Variants in MKLN1 observed in about 807,000 individuals in gnomAD.
MKLN1 encodes the protein muskelin.
MKLN1 carries 18 observed loss-of-function variants against 99.0 expected under a neutral mutation model. The ratio of observed to expected loss-of-function variants is 0.18; its 90% CI spans 0.13 to 0.27. The LOEUF (loss-of-function observed/expected upper bound fraction) is 0.27, where lower values mean the gene tolerates loss of function less well. Among genes scored for constraint, MKLN1 ranks in the 10% least tolerant of loss-of-function variants. The pLI, the probability that MKLN1 is intolerant of heterozygous loss-of-function variation, is 1.00. For synonymous variants in MKLN1, 288 were observed against 293.2 expected (o/e 0.98, Z 0.18); for missense variants, 621 against 875.9 (o/e 0.71, Z 3.67).
At chr7:131,314,284 A>G (rs1798622892) in intron 3 of MKLN1, among the ~76,000 whole-genome samples, 1 of 152,218 alleles carries the variant, frequency 6.6e-6, no homozygotes, top group Non-Finnish European at 1.5e-5. Context: ...ACTCCACAGG[A>G]AGACAGAAGA....
At chr7:131,211,552 C>T (rs1355709644) in intron 3 of MKLN1, among the ~76,000 whole-genome samples, 1 of 151,852 alleles carries the variant, frequency 6.6e-6, no homozygotes, top group Non-Finnish European at 1.5e-5. Context: ...GGTTTTTGCC[C>T]CTACGCTTTT....
At chr7:131,246,693 G>T (rs567407888) in intron 3 of MKLN1, among the ~76,000 whole-genome samples, 1 of 145,544 alleles carries the variant, frequency 6.9e-6, no homozygotes, top group East Asian at 2.0e-4. Flanking sequence ...TTGCCATGTT[G>T]CCCAGGCTGG....
chr7:131,294,577 T>C (rs1798264307), intron 3 of MKLN1, among the ~76,000 whole-genome samples: 1 of 152,206 alleles, frequency 6.6e-6, no homozygotes, highest in Non-Finnish European at 1.5e-5. Flanking sequence ...ATCTGAGTGC[T>C]CATTTTGTGT....
intron 1 of MKLN1, among the ~76,000 whole-genome samples, chr7:131,338,214 TA>T (rs1584620569): frequency 6.6e-6 from 1 of 152,256 alleles, no homozygotes; most frequent in East Asian, 1.9e-4. Flanking sequence ...TAAAAGCTGA[TA>T]AATCCCTTAA....
At chr7:131,143,325 G>A (rs1262097742) in intron 2 of MKLN1, among the ~76,000 whole-genome samples, 2 of 152,114 alleles carry the variant, frequency 1.3e-5, no homozygotes, top group Non-Finnish European at 2.9e-5. Context: ...AAAATTGCTG[G>A]GCATGGTGGC....
At chr7:131,346,543 A>G (rs1352564523) in intron 1 of MKLN1, among the ~76,000 whole-genome samples, 2 of 151,842 alleles carry the variant, frequency 1.3e-5, no homozygotes, top group African/African-American at 4.8e-5. Flanking sequence ...AACCCAAAAA[A>G]CAATATTTAA....
intron 1 of MKLN1, among the ~76,000 whole-genome samples, chr7:131,328,534 GA>G (rs1246766395): frequency 1.3e-5 from 2 of 152,190 alleles, no homozygotes; most frequent in African/African-American, 4.8e-5. Context: ...AAAAGTTGTG[GA>G]ATCCATCTGA....
At chr7:131,393,059 A>C (rs1794253446) in intron 4 of MKLN1, among the ~76,000 whole-genome samples, 1 of 151,996 alleles carries the variant, frequency 6.6e-6, no homozygotes, top group South Asian at 2.1e-4. Flanking sequence ...TTTTAAAAAC[A>C]ATTTTTTTGT....
intron 3 of MKLN1, among the ~76,000 whole-genome samples, chr7:131,254,174 G>A (rs1436295819): frequency 1.3e-5 from 2 of 152,112 alleles, no homozygotes; most frequent in African/African-American, 4.8e-5. Flanking sequence ...ATCCCGAGGG[G>A]GCTGTGCACA....
intron 2 of MKLN1, among the ~76,000 whole-genome samples, chr7:131,165,737 T>C (rs1236490023): frequency 6.6e-6 from 1 of 152,132 alleles, no homozygotes; most frequent in Non-Finnish European, 1.5e-5. Context: ...ACACGAGTGA[T>C]CAGCTTTGCT....
At chr7:131,460,895 C>G (rs761145301) in intron 12 of MKLN1, among the ~76,000 whole-genome samples, 1 of 152,178 alleles carries the variant, frequency 6.6e-6, no homozygotes, top group African/African-American at 2.4e-5. Flanking sequence ...CTACCACTTA[C>G]GAAAGTAATT....
chr7:131,232,377 A>G (rs1400415693), intron 3 of MKLN1, among the ~76,000 whole-genome samples: 4 of 152,182 alleles, frequency 2.6e-5, no homozygotes, highest in African/African-American at 9.7e-5. Context: ...TTTCCTTTTG[A>G]TTAGATTCTT....
At position 131,429,206 on chromosome 7, in the gene MKLN1, T is replaced by C. The variant is rs371914873; in HGVS notation, c.960+61T>C. 4.5e-5 allele frequency: 50 copies of C among 1,122,150 alleles called. No homozygotes were observed. The East Asian group carries it at 1.1e-3, about 24-fold the overall frequency. 69.5% of individuals were successfully genotyped at this position (1,122,150 alleles called of 1,614,324 possible). Reference sequence around the variant, plus strand: ...GAAGGGGCGTAGATGTGCACTTGTTTTTCGGCATGATTATATTCTTCACTA... The same window carrying C: ...GAAGGGGCGTAGATGTGCACTTGTTCTTCGGCATGATTATATTCTTCACTA... On this transcript the variant is annotated intron_variant, in intron 9 of 17. Transcript: ENST00000352689.
At chr7:131,463,096 C>A in intron 12 of MKLN1, 121 bp from the exon 13 acceptor site, 1 of 835,346 alleles carries the variant, frequency 1.2e-6, no homozygotes, top group Non-Finnish European at 1.8e-6. Flanking sequence ...TGCACTTCAG[C>A]TTGGGCAACA....
At chr7:131,319,748 C>A (rs1321546264) in intron 3 of MKLN1, among the ~76,000 whole-genome samples, 1 of 151,888 alleles carries the variant, frequency 6.6e-6, no homozygotes, top group Non-Finnish European at 1.5e-5. Flanking sequence ...TCAGCAAAGT[C>A]TCAGGATCAA....
chr7:131,319,038 C>T (rs201426657), intron 3 of MKLN1, among the ~76,000 whole-genome samples: 1 of 152,160 alleles, frequency 6.6e-6, no homozygotes, highest in Non-Finnish European at 1.5e-5. Context: ...TGGTACCATT[C>T]CTTCTGAAAC....
intron 12 of MKLN1, among the ~76,000 whole-genome samples, chr7:131,461,121 C>A (rs900428353): frequency 1.3e-5 from 2 of 152,102 alleles, no homozygotes; most frequent in Admixed American, 1.3e-4. Flanking sequence ...CCCTCCTATA[C>A]TTTAAGTCAT....
rs538582658 is a variant in MKLN1 at position 131,288,403 on chromosome 7, C to T, written c.-179+85429C>T. ...GTGCCTCAGTATCCGCTTAAGTTCC[C>T]ACCACCCTCCCTACATCCTTGTAAA... is the stretch of plus-strand genomic sequence containing the variant. On this transcript the variant is annotated intron_variant, in intron 3 of 7. Transcript: ENST00000416992. Among the ~76,000 whole-genome samples the T allele has an allele frequency of 2.0e-4, 30 of 152,260 alleles. No individual in the cohort carries two copies. The South Asian group carries it at 4.6e-3, about 23-fold the overall frequency.
intron 14 of MKLN1, 60 bp from the exon 15 acceptor site, chr7:131,466,216 A>G (rs913494417): frequency 6.9e-6 from 9 of 1,305,162 alleles, no homozygotes; most frequent in Middle Eastern, 1.9e-4. Context: ...ATGCACTGCT[A>G]CTAGAATATC....
Sources: gnomAD v4.1 joint callset for allele counts (sites outside exome capture counted in the v4.1 genomes callset) on GRCh38, gnomAD v4.1.1 for gene constraint, MANE v1.5 for transcripts, NCBI Gene and HGNC (gene_info 2026-07-23, HGNC 2026-07-21) for gene names.